Variants in ABCC5 observed in about 807,000 individuals in gnomAD.
ABCC5 encodes the protein ATP-binding cassette sub-family C member 5.
In ABCC5, 61 loss-of-function variants were observed where a neutral mutation model predicts 160.9. The ratio of observed to expected loss-of-function variants is 0.38; its 90% CI spans 0.31 to 0.47. The LOEUF (loss-of-function observed/expected upper bound fraction) is 0.47, where lower values mean the gene tolerates loss of function less well. Among genes scored for constraint, ABCC5 ranks in the 20% least tolerant of loss-of-function variants. The pLI is 0.99. For missense variants in ABCC5, 1,308 were observed against 1,813.3 expected (o/e 0.72, Z 5.06); for synonymous variants, 666 against 700.6 (o/e 0.95, Z 0.78).
intron 2 of ABCC5, among the ~76,000 whole-genome samples, chr3:183,991,871 G>A (rs1168757596): frequency 6.6e-6 from 1 of 152,122 alleles, no homozygotes; most frequent in African/African-American, 2.4e-5. Flanking sequence ...AAAACCTCCT[G>A]GATTGAGAGA....
chr3:183,952,569 G>A (rs1715474898), intron 18 of ABCC5, among the ~76,000 whole-genome samples: 1 of 152,158 alleles, frequency 6.6e-6, no homozygotes, highest in Admixed American at 6.5e-5. Context: ...ATTGTGGGGT[G>A]GATTCCCCCA....
At position 183,992,113 on chromosome 3, in the gene ABCC5, C is replaced by A. The variant is rs75228793; in HGVS notation, c.130-2730G>T. ...TCAAGACTGACATCATGTATACATG[C>A]ACTCTGACCACTTTAGGATTTAATT... On this transcript the variant is annotated intron_variant, in intron 2 of 29. Transcript: ENST00000334444. 3.9e-5 allele frequency among the ~76,000 whole-genome samples: 6 copies of A among 152,318 alleles called. No homozygotes were observed. The South Asian group carries it at 1.0e-3, about 26-fold the overall frequency.
chr3:183,933,841 T>A (rs917652344), intron 26 of ABCC5, among the ~76,000 whole-genome samples: 8 of 152,212 alleles, frequency 5.3e-5, no homozygotes, highest in Non-Finnish European at 1.5e-5. Flanking sequence ...TTTCAAGTTT[T>A]AATTGTTTAC....
chr3:183,974,417 C>G lies in ABCC5; in HGVS notation c.1405-2498G>C, dbSNP rs544025292. ...CTGCCTCCCAGGTTCATGCCATTCT[C>G]CTGTGTCAGCCCTCCTGAGTAGCTG... On this transcript the variant is annotated intron_variant, in intron 10 of 29. Transcript: ENST00000334444. Among the ~76,000 whole-genome samples the G allele has an allele frequency of 5.3e-5, 8 of 152,296 alleles. No homozygotes were observed. The East Asian group carries it at 1.5e-3, about 29-fold the overall frequency.
rs890912690 is a variant in ABCC5, at chr3:183,946,081, G to A, written c.3415-142C>T. On this transcript the variant is annotated intron_variant, in intron 23 of 29. Coordinates refer to ENST00000334444, the MANE Select transcript of ABCC5 (RefSeq NM_005688.4). ...GTCTTAGGGACCTAGTCATTCTCTT[G>A]GCTTTTAAGGCATACCTGTTACCCC... 19 of 759,688 alleles carry A rather than the reference G, an allele frequency of 2.5e-5. No individual in the cohort carries two copies. In the African/African-American group the frequency reaches 3.2e-4, roughly 13 times the overall value. 47.1% of individuals were successfully genotyped at this position (759,688 alleles called of 1,614,324 possible).
chr3:183,968,230 C>T (rs1164577407), intron 11 of ABCC5, among the ~76,000 whole-genome samples: 2 of 152,052 alleles, frequency 1.3e-5, no homozygotes, highest in Non-Finnish European at 2.9e-5. Context: ...CGGGTTCAAG[C>T]AATTCTCCTG....
chr3:184,011,022 G>A (rs1336229456), intron 2 of ABCC5, among the ~76,000 whole-genome samples: 2 of 151,956 alleles, frequency 1.3e-5, no homozygotes, highest in Non-Finnish European at 2.9e-5. Flanking sequence ...GATTACGGGC[G>A]TGAGCCACCG....
At chr3:183,978,417 C>A in intron 9 of ABCC5, 86 bp downstream of exon 9, 2 of 1,518,034 alleles carry the variant, frequency 1.3e-6, no homozygotes, top group South Asian at 1.3e-5. Context: ...TAACCTCCAC[C>A]ACCTGGGTTC....
At chr3:184,015,412 G>A (rs914274319) in intron 1 of ABCC5, among the ~76,000 whole-genome samples, 1 of 152,106 alleles carries the variant, frequency 6.6e-6, no homozygotes, top group Non-Finnish European at 1.5e-5. Context: ...AGCCTCCAAC[G>A]GAAATTAAAG....
At position 183,973,956 on chromosome 3, in the gene ABCC5, T is replaced by A. The variant is rs190561111; in HGVS notation, c.1405-2037A>T. ...ACTGGTTTTCACAGCTCCAGCCCCA[T>A]GTTTCCTTCCTACTCCCCGCAGCCT... On this transcript the variant is annotated intron_variant, in intron 10 of 29. Coordinates refer to ENST00000334444, the MANE Select transcript of ABCC5 (RefSeq NM_005688.4). Among the ~76,000 whole-genome samples the A allele has an allele frequency of 2.6e-5, 4 of 152,284 alleles. No individual in the cohort carries two copies. In the East Asian group the frequency reaches 5.8e-4, roughly 22 times the overall value.
At chr3:183,937,126 C>T (rs1455593278) in intron 26 of ABCC5, among the ~76,000 whole-genome samples, 1 of 152,182 alleles carries the variant, frequency 6.6e-6, no homozygotes, top group Non-Finnish European at 1.5e-5. Context: ...CCTGTAATCC[C>T]AGCACTTTGG....
chr3:183,969,507 C>T (rs907673662), intron 11 of ABCC5, among the ~76,000 whole-genome samples: 10 of 152,238 alleles, frequency 6.6e-5, no homozygotes, highest in Admixed American at 5.9e-4. Context: ...GCCTGGCCAA[C>T]ATGGTGAAAC....
At chr3:183,986,249 T>C (rs1719207707) in intron 5 of ABCC5, 1 of 152,232 alleles carries the variant, frequency 6.6e-6, no homozygotes, top group Non-Finnish European at 1.5e-5. Context: ...AAAGAGATTA[T>C]GGATGAGTCC....
At chr3:183,972,776 C>A (rs1454565431) in intron 10 of ABCC5, among the ~76,000 whole-genome samples, 1 of 152,094 alleles carries the variant, frequency 6.6e-6, no homozygotes, top group East Asian at 1.9e-4. Context: ...TCCCAAGTAG[C>A]TGAAATTACA....
chr3:183,988,821 G>A lies in ABCC5; in HGVS notation c.288-94C>T. On this transcript the variant is annotated intron_variant, in intron 3 of 29. Coordinates refer to ENST00000334444, the MANE Select transcript of ABCC5 (RefSeq NM_005688.4). This position sits in a 1 kb window ranked among gnomAD's most constrained non-coding sequence, Gnocchi z 4.4. ...CACTGTTTAGTGAACACAGCTCTTA[G>A]CTAAAGACCAGTCTCCCCAGATGAT... is the stretch of plus-strand genomic sequence containing the variant. The A allele has an allele frequency of 7.4e-7, 1 of 1,354,972 alleles. No individual in the cohort carries two copies. The highest frequency in any genetic ancestry group is 1.0e-6 in the Non-Finnish European group (1 of 999,088). The allele number at this position is 1,354,972 out of a possible 1,614,324, so 83.9% of individuals were successfully genotyped here. A position where few individuals can be genotyped will look rare whatever the true frequency, so the allele number is the denominator to read the frequency against.
intron 22 of ABCC5, among the ~76,000 whole-genome samples, chr3:183,947,747 A>G (rs1714982950): frequency 6.6e-6 from 1 of 152,192 alleles, no homozygotes; most frequent in Non-Finnish European, 1.5e-5. Flanking sequence ...AAACAAAAAA[A>G]AATCCTATTA....
intron 2 of ABCC5, among the ~76,000 whole-genome samples, chr3:184,001,882 C>T (rs1040907169): frequency 3.9e-5 from 6 of 152,170 alleles, no homozygotes; most frequent in Admixed American, 2.0e-4. Flanking sequence ...TGTCAGTGGC[C>T]AGACGACCCA....
At chr3:183,971,533 G>T in intron 11 of ABCC5, 30 bp downstream of exon 11, 2 of 1,596,092 alleles carry the variant, frequency 1.3e-6, no homozygotes. Flanking sequence ...GGTGGGGTGC[G>T]GGCAGGGAGG....
intron 11 of ABCC5, among the ~76,000 whole-genome samples, chr3:183,971,222 CA>C (rs1717707695): frequency 6.6e-6 from 1 of 152,192 alleles, no homozygotes; most frequent in South Asian, 2.1e-4. Flanking sequence ...GCCTAGTGCA[CA>C]AGGGCGCTCA....
Sources: gnomAD v4.1 joint callset for allele counts (sites outside exome capture counted in the v4.1 genomes callset) on GRCh38, gnomAD v4.1.1 for gene constraint, Gnocchi (gnomAD v3.1) non-coding constraint, MANE v1.5 for transcripts, NCBI Gene and HGNC (gene_info 2026-07-23, HGNC 2026-07-21) for gene names.